DUSP29: variants seen among roughly 807,000 people sequenced by gnomAD.
DUSP29 encodes the protein atypical dual-specific protein phosphatase.
Under a neutral mutation model 13.5 loss-of-function variants are expected in DUSP29, and 12 were observed. The ratio of observed to expected loss-of-function variants is 0.89; its 90% CI spans 0.57 to 1.44. DUSP29 has a LOEUF of 1.44. Ranked by LOEUF, DUSP29 falls within the 40% of genes most tolerant of loss-of-function variation. The probability of loss-of-function intolerance (pLI) is 0.00; values close to 1 mark genes in which losing one functional copy is unlikely to be tolerated. For synonymous variants in DUSP29, 134 were observed against 128.7 expected (o/e 1.04, Z -0.28); for missense variants, 308 against 301.1 (o/e 1.02, Z -0.17).
intron 3 of DUSP29, among the ~76,000 whole-genome samples, chr10:75,038,672 A>G (rs951396346): frequency 1.6e-5 from 2 of 122,038 alleles, no homozygotes; most frequent in East Asian, 5.4e-4. Context: ...AATTCTGTTA[A>G]GTGGCAGAGG....
chr10:75,051,088 A>C (rs1170936629), intron 2 of DUSP29, among the ~76,000 whole-genome samples: 4 of 152,208 alleles, frequency 2.6e-5, no homozygotes, highest in African/African-American at 7.2e-5. Flanking sequence ...CTTAGGCCTT[A>C]GGTCACCTCC....
At chr10:75,050,293 G>A (rs959524486) in intron 2 of DUSP29, among the ~76,000 whole-genome samples, 4 of 152,228 alleles carry the variant, frequency 2.6e-5, no homozygotes, top group Admixed American at 6.5e-5. Flanking sequence ...TAGTGCTTTC[G>A]AGCGTACTCA....
intron 1 of DUSP29, among the ~76,000 whole-genome samples, chr10:75,072,905 C>T (rs987710434): frequency 3.3e-5 from 5 of 152,022 alleles, no homozygotes; most frequent in African/African-American, 1.2e-4. Flanking sequence ...CCACACAGGT[C>T]TGAGACACAG....
intron 3 of DUSP29, among the ~76,000 whole-genome samples, chr10:75,039,931 G>A (rs1846549267): frequency 6.6e-6 from 1 of 152,282 alleles, no homozygotes; most frequent in Non-Finnish European, 1.5e-5. Context: ...TCTAATCCCA[G>A]CACTTTGGGA....
rs199588339 is a variant in DUSP29 at position 75,037,957 on chromosome 10, C to T, written c.542G>A (p.Arg181His). The T allele has an allele frequency of 1.3e-4, 205 of 1,613,838 alleles. No homozygotes were observed. The highest frequency in any genetic ancestry group is 1.7e-4 in the Non-Finnish European group (196 of 1,180,042). The change falls in exon 4 of 4, where the codon CGC (arginine) becomes CAC (histidine). Residue 181 changes from arginine (R) to histidine (H), a missense_variant. Physicochemically the swap from Arg to His is conservative, Grantham distance 29. Coordinates refer to ENST00000338487, the MANE Select transcript of DUSP29 (RefSeq NM_001003892.3). ...VDAIQQVAKNRCVLPNRGFLK... is the reference protein window; with the variant it reads ...VDAIQQVAKNHCVLPNRGFLK... ...AAAGCCCCGGTTCGGGAGGACGCAG[C>T]GGTTCTTGGCCACTTGCTGGATGGC...
At chr10:75,070,513 T>C (rs930830301) in intron 1 of DUSP29, among the ~76,000 whole-genome samples, 3 of 152,162 alleles carry the variant, frequency 2.0e-5, no homozygotes, top group African/African-American at 7.2e-5. Flanking sequence ...AATGAGATAA[T>C]GTAAGCCCTT....
chr10:75,040,849 CT>C (rs1444922701), intron 3 of DUSP29, among the ~76,000 whole-genome samples: 1 of 152,106 alleles, frequency 6.6e-6, no homozygotes, highest in Non-Finnish European at 1.5e-5. Flanking sequence ...CTGGGGAGTT[CT>C]TTATAAAGGG....
intron 1 of DUSP29, among the ~76,000 whole-genome samples, chr10:75,066,886 A>C (rs1056179239): frequency 2.6e-5 from 4 of 152,026 alleles, no homozygotes; most frequent in African/African-American, 9.7e-5. Flanking sequence ...GTGCCTCCTG[A>C]GAAAGCAGGA....
At chr10:75,046,506 C>T (rs1046032984) in intron 2 of DUSP29, among the ~76,000 whole-genome samples, 2 of 152,196 alleles carry the variant, frequency 1.3e-5, no homozygotes, top group South Asian at 4.1e-4. Flanking sequence ...GCCAAGGGTG[C>T]GCTTGTCTTT....
intron 2 of DUSP29, among the ~76,000 whole-genome samples, chr10:75,046,418 C>T (rs1424604417): frequency 6.6e-6 from 1 of 152,200 alleles, no homozygotes; most frequent in African/African-American, 2.4e-5. Context: ...CAGAAGTGAC[C>T]ATGTTAGATG....
intron 3 of DUSP29, among the ~76,000 whole-genome samples, chr10:75,040,381 C>T (rs1274452650): frequency 1.3e-5 from 2 of 152,194 alleles, no homozygotes; most frequent in Admixed American, 1.3e-4. Flanking sequence ...TCTTTAGCGC[C>T]TCGTGGCATT....
At chr10:75,053,761 T>A (rs1429786748) in intron 2 of DUSP29, among the ~76,000 whole-genome samples, 1 of 152,074 alleles carries the variant, frequency 6.6e-6, no homozygotes, top group East Asian at 1.9e-4. Context: ...CTTGGGCTGG[T>A]CACTTGATTT....
intron 2 of DUSP29, among the ~76,000 whole-genome samples, chr10:75,049,594 T>G (rs1846782451): frequency 6.6e-6 from 1 of 152,234 alleles, no homozygotes; most frequent in South Asian, 2.1e-4. Context: ...TTATTTCAGG[T>G]AACGCCCAGC....
chr10:75,043,790 CTCTTACTGTGGTCG>C lies in DUSP29; in HGVS notation c.414_421+6del. 6.2e-7 allele frequency: 1 copy of C among 1,610,114 alleles called. No individual in the cohort carries two copies. The highest frequency in any genetic ancestry group is 8.5e-7 in the Non-Finnish European group (1 of 1,179,650). ...GGCCGATCGGGGCGGGGCCGCGGGT[CTCTTACTGTGGTCG>C]TCGCTTAGCGCTCTGTCGATGAAGG... On this transcript the variant is annotated splice_donor_variant and splice_donor_5th_base_variant and coding_sequence_variant and intron_variant, in exon 3 of 4. Transcript: ENST00000338487. LOFTEE classifies it high-confidence loss of function.
chr10:75,051,112 G>A (rs1009345313), intron 2 of DUSP29, among the ~76,000 whole-genome samples: 2 of 152,204 alleles, frequency 1.3e-5, no homozygotes, highest in Non-Finnish European at 2.9e-5. Context: ...GAAGGCCTAG[G>A]AGAGCAGGCC....
chr10:75,042,020 T>C (rs1846595042), intron 3 of DUSP29, among the ~76,000 whole-genome samples: 1 of 152,186 alleles, frequency 6.6e-6, no homozygotes, highest in Non-Finnish European at 1.5e-5. Context: ...TCTTTGAGGA[T>C]TGGAAACTTT....
chr10:75,060,526 C>T (rs942716476), intron 1 of DUSP29, among the ~76,000 whole-genome samples: 1 of 151,256 alleles, frequency 6.6e-6, no homozygotes, highest in Admixed American at 6.6e-5. Flanking sequence ...GTTTGGGAAC[C>T]AGCTCCTTAT....
In DUSP29 at chr10:75,056,997, C is replaced by T. The variant is rs186480296; in HGVS notation, c.200+1318G>A. On this transcript the variant is annotated intron_variant, in intron 2 of 3. Transcript: ENST00000338487. ...ATATGTATTAAAATCACATATAGGC[C>T]GGGCACGGTGGCTCACACCTTTAAT... is the stretch of plus-strand genomic sequence containing the variant. Among the ~76,000 whole-genome samples, 338 of 152,148 alleles carry T rather than the reference C, an allele frequency of 2.2e-3. 1 individual carries two copies. Among genetic ancestry groups the T allele is most frequent in the African/African-American group, 7.7e-3 (318 of 41,506 alleles).
intron 1 of DUSP29, among the ~76,000 whole-genome samples, chr10:75,067,104 T>C (rs2134306391): frequency 6.6e-6 from 1 of 151,606 alleles, no homozygotes; most frequent in East Asian, 2.0e-4. Context: ...CGACTACAGG[T>C]GTGTGCCACC....
Sources: gnomAD v4.1 joint callset for allele counts (sites outside exome capture counted in the v4.1 genomes callset) on GRCh38, gnomAD v4.1.1 for gene constraint, MANE v1.5 for transcripts, NCBI Gene and HGNC (gene_info 2026-07-23, HGNC 2026-07-21) for gene names.